The following AKNA variants were observed in gnomAD, a reference collection of about 807,000 sequenced individuals.
AKNA encodes microtubule organization protein AKNA.
AKNA carries 67 observed loss-of-function variants against 138.8 expected under a neutral mutation model. That is an observed-to-expected ratio of 0.48 (90% CI 0.40 to 0.59). The LOEUF (loss-of-function observed/expected upper bound fraction) is 0.59, where lower values mean the gene tolerates loss of function less well. AKNA is among the 20% of genes least tolerant of loss of function. AKNA has a pLI of 0.00. For synonymous variants in AKNA, 737 were observed against 754.4 expected, an observed-to-expected ratio of 0.98 and a Z score of 0.38; for missense variants, 1,813 against 1,880.4, an observed-to-expected ratio of 0.96 and a Z score of 0.66.
chr9:114,372,643 C>A (rs1221154347), intron 4 of AKNA, among the ~76,000 whole-genome samples: 1 of 152,148 alleles, frequency 6.6e-6, no homozygotes, highest in African/African-American at 2.4e-5. Flanking sequence ...CAACGGGAGC[C>A]CCAGTTTCCC....
In AKNA at chr9:114,336,899, C is replaced by T. The variant is rs1002243130; in HGVS notation, c.*155G>A. On this transcript the variant is annotated 3_prime_UTR_variant, in exon 22 of 22. Transcript: ENST00000374088. ...GCTGACACCCCCTCCACTTGGAAAG[C>T]ACAGGGACTGAGCAGGCGGGACCTG... The T allele has an allele frequency of 5.7e-5, 55 of 965,594 alleles. No individual in the cohort carries two copies. The African/African-American group carries it at 8.6e-4, about 15-fold the overall frequency. 59.8% of individuals were successfully genotyped at this position (965,594 alleles called of 1,614,324 possible).
At chr9:114,390,141 C>G (rs1438133851), upstream of AKNA, among the ~76,000 whole-genome samples, 2 of 152,166 alleles carry the variant, frequency 1.3e-5, no homozygotes, top group Admixed American at 1.3e-4. Context: ...TGGATAACCC[C>G]AAACCCATCT....
rs573540327 is a variant in AKNA at position 114,347,770 on chromosome 9, C to T, written c.3352G>A (p.Gly1118Ser). The change falls in exon 16 of 22, where the codon GGC becomes AGC. Residue 1118 changes from glycine to serine, a missense_variant. Transcript: ENST00000374088. The part of the protein sequence containing the change: ...SAFDRPARTR[G>S]RPADSPATWG... ...GTGGCTGGGGAGTCTGCTGGCCGGC[C>T]GCGGGTCCGGGCGGGGCGGTCAAAG... is the stretch of plus-strand genomic sequence containing the variant. 5.4e-5 allele frequency: 83 copies of T among 1,542,594 alleles called. 1 individual carries two copies. The highest frequency in any genetic ancestry group is 1.4e-4 in the Admixed American group (7 of 49,538).
At chr9:114,383,187 C>G (rs1293921822) in intron 1 of AKNA, 1 of 455,900 alleles carries the variant, frequency 2.2e-6, no homozygotes, top group Non-Finnish European at 4.4e-6. Context: ...ACCAGGGAGG[C>G]TGGCCACACG....
chr9:114,357,021 GGGAAGCCCTTCCCAA>G, intron 12 of AKNA, 52 bp from the exon 13 acceptor site: 1 of 1,506,652 alleles, frequency 6.6e-7, no homozygotes, highest in Non-Finnish European at 8.9e-7. Context: ...AAGGCACACT[GGGAAGCCCTTCCCAA>G]ATCGTGGCCT....
intron 1 of AKNA, among the ~76,000 whole-genome samples, chr9:114,393,943 C>T (rs1308892420): frequency 3.3e-5 from 5 of 152,020 alleles, no homozygotes; most frequent in South Asian, 4.2e-4. Context: ...GAGGCTGAGG[C>T]GGGAGGATCA....
intron 14 of AKNA, among the ~76,000 whole-genome samples, chr9:114,353,894 T>G (rs1049476351): frequency 1.3e-5 from 2 of 152,224 alleles, no homozygotes; most frequent in Non-Finnish European, 2.9e-5. Flanking sequence ...TGGAAGTTGC[T>G]CTGGGTGAGT....
At chr9:114,370,610 TGTCCCGGGTGCTCC>T (rs1832703067) in intron 4 of AKNA, among the ~76,000 whole-genome samples, 1 of 151,894 alleles carries the variant, frequency 6.6e-6, no homozygotes, top group African/African-American at 2.4e-5. Context: ...ACAGCCAGGG[TGTCCCGGGTGCTCC>T]CCAAGGCTGG....
chr9:114,331,208 C>T (rs552792959), downstream of AKNA, among the ~76,000 whole-genome samples: 3 of 152,182 alleles, frequency 2.0e-5, no homozygotes, highest in East Asian at 1.9e-4. Context: ...AGAGGTGGTA[C>T]CTTCAACTAT....
chr9:114,352,365 A>G (rs1465836819), intron 14 of AKNA, among the ~76,000 whole-genome samples: 2 of 152,232 alleles, frequency 1.3e-5, no homozygotes, highest in Non-Finnish European at 2.9e-5. Flanking sequence ...TGGGAGGCTG[A>G]GGCGGGCGGA....
At chr9:114,390,672 AAAG>A (rs1268839873), upstream of AKNA, among the ~76,000 whole-genome samples, 1 of 152,192 alleles carries the variant, frequency 6.6e-6, no homozygotes, top group Admixed American at 6.5e-5. Flanking sequence ...TGGCTCTGAG[AAAG>A]AAGATGAAAC....
rs1006169664 is a variant in AKNA, at chr9:114,387,888, G to A, written c.-142C>T. The A allele has an allele frequency of 1.3e-5, 6 of 454,250 alleles. No homozygotes were observed. Among genetic ancestry groups the A allele is most frequent in the Middle Eastern group, 3.2e-4 (1 of 3,088 alleles). 28.1% of individuals were successfully genotyped at this position (454,250 alleles called of 1,614,324 possible). ...TCTCGGGCTCCACCACCGTCCTGCC[G>A]ACCCAGTTTCAGGGGACCTGCCTGT... On this transcript the variant is annotated 5_prime_UTR_variant, in exon 1 of 22. Transcript: ENST00000374088.
At chr9:114,359,485 G>A (rs1189610718) in intron 11 of AKNA, 109 bp downstream of exon 11, 2 of 1,584,302 alleles carry the variant, frequency 1.3e-6, no homozygotes, top group Non-Finnish European at 1.7e-6. Context: ...GGCAGGACAG[G>A]TAAGCCATGT....
At chr9:114,378,738 C>A (rs983121481) in intron 2 of AKNA, among the ~76,000 whole-genome samples, 1 of 152,218 alleles carries the variant, frequency 6.6e-6, no homozygotes. Context: ...CATCTACCCA[C>A]CCATGCACCC....
upstream of AKNA, among the ~76,000 whole-genome samples, chr9:114,390,654 A>AGC (rs1369611321): frequency 6.6e-6 from 1 of 152,206 alleles, no homozygotes; most frequent in Non-Finnish European, 1.5e-5. Context: ...ACGCACAGCT[A>AGC]GCTACTATGG....
intron 4 of AKNA, among the ~76,000 whole-genome samples, chr9:114,373,023 GCCT>G (rs765557792): frequency 7.1e-6 from 1 of 141,468 alleles, no homozygotes; most frequent in South Asian, 2.4e-4. Flanking sequence ...CACCACAGTG[GCCT>G]CCGCCCACCT....
intron 1 of AKNA, among the ~76,000 whole-genome samples, chr9:114,381,809 C>T (rs549503337): frequency 2.6e-5 from 4 of 152,086 alleles, no homozygotes; most frequent in South Asian, 2.1e-4. Context: ...TACAGGTGCA[C>T]GCCACCACAC....
At position 114,337,012 on chromosome 9, in the gene AKNA, T is replaced by TTGGGGGGGGGGGGGC; in HGVS notation, c.*41_*42insGCCCCCCCCCCCCCA. The TTGGGGGGGGGGGGGC allele has an allele frequency of 4.1e-6, 5 of 1,208,224 alleles. No individual in the cohort carries two copies. Among genetic ancestry groups the TTGGGGGGGGGGGGGC allele is most frequent in the Non-Finnish European group, 5.4e-6 (5 of 929,350 alleles). The allele number at this position is 1,208,224 out of a possible 1,614,324, so 74.8% of individuals were successfully genotyped here. ...CCCACTCCTGGCCTGGCAGGCCACCTGCCCACCCACCCACCCATCTGCCTC... is the reference window on the plus strand; with the variant it reads ...CCCACTCCTGGCCTGGCAGGCCACCTTGGGGGGGGGGGGGCGCCCACCCACCCACCCATCTGCCTC... On this transcript the variant is annotated 3_prime_UTR_variant, in exon 22 of 22. Transcript: ENST00000374088.
At chr9:114,386,880 C>T (rs970272885) in intron 1 of AKNA, among the ~76,000 whole-genome samples, 1 of 152,106 alleles carries the variant, frequency 6.6e-6, no homozygotes, top group Admixed American at 6.6e-5. Context: ...AGCACAGCTA[C>T]GCAGCCCGCA....
Sources: allele counts gnomAD v4.1 joint callset (sites outside exome capture counted in the v4.1 genomes callset), GRCh38; gene constraint gnomAD v4.1.1; transcripts MANE v1.5; gene names NCBI Gene and HGNC (gene_info 2026-07-23, HGNC 2026-07-21).